The following STK3 variants were observed in gnomAD, a reference collection of about 807,000 sequenced individuals.
The protein encoded by STK3 is serine/threonine-protein kinase 3.
STK3 carries 41 observed loss-of-function variants against 58.0 expected under a neutral mutation model. The ratio of observed to expected loss-of-function variants is 0.71; its 90% CI spans 0.55 to 0.92. The LOEUF is 0.92. Among genes scored for constraint, STK3 ranks in the 40% least tolerant of loss-of-function variants. STK3 has a pLI of 0.00. For synonymous variants in STK3, 170 were observed against 191.0 expected, an observed-to-expected ratio of 0.89 and a Z score of 0.91; for missense variants, 479 against 602.7, an observed-to-expected ratio of 0.79 and a Z score of 2.15.
chr8:98,399,798 G>A (rs2131024218), downstream of STK3, among the ~76,000 whole-genome samples: 1 of 152,306 alleles, frequency 6.6e-6, no homozygotes, highest in South Asian at 2.1e-4. Flanking sequence ...AGTAGAGAAT[G>A]GGGTGTGGCT....
chr8:98,847,125 A>C (rs185571300), intron 3 of STK3, among the ~76,000 whole-genome samples: 66 of 152,238 alleles, frequency 4.3e-4, no homozygotes, highest in African/African-American at 1.4e-3. Context: ...GCTACTCAGG[A>C]GGCTGAGGTG....
In STK3 at chr8:98,928,987, C is replaced by T. The variant is rs566734986; in HGVS notation, c.-79+13391G>A. 1.2e-4 allele frequency among the ~76,000 whole-genome samples: 18 copies of T among 152,288 alleles called. No homozygotes were observed. In the East Asian group the frequency reaches 2.5e-3, roughly 21 times the overall value. On this transcript the variant is annotated intron_variant, in intron 1 of 1. Coordinates refer to the STK3 transcript ENST00000519420. ...AAAGGTCAAAGCTTGACAAACAGGC[C>T]GGGCATGGTGGTTCATGCCTTTAAT...
At chr8:98,441,819 C>A (rs1199223184) in intron 1 of STK3, among the ~76,000 whole-genome samples, 1 of 152,160 alleles carries the variant, frequency 6.6e-6, no homozygotes, top group Non-Finnish European at 1.5e-5. Flanking sequence ...TCTTTGTTCC[C>A]TTTTTGTTTC....
chr8:98,672,932 T>C (rs1822934637), intron 6 of STK3, among the ~76,000 whole-genome samples: 1 of 152,144 alleles, frequency 6.6e-6, no homozygotes, highest in Non-Finnish European at 1.5e-5. Context: ...TATTGTGAAA[T>C]ACTTCAAGGG....
intron 3 of STK3, chr8:98,413,590 G>C (rs1355939496): frequency 2.9e-6 from 2 of 685,298 alleles, no homozygotes; most frequent in Non-Finnish European, 5.6e-6. Flanking sequence ...AAAATGTTGA[G>C]AGTTGTTTCA....
At chr8:98,711,972 C>G (rs2131112399) in intron 4 of STK3, among the ~76,000 whole-genome samples, 1 of 152,238 alleles carries the variant, frequency 6.6e-6, no homozygotes, top group Non-Finnish European at 1.5e-5. Context: ...ACAGGGGGGC[C>G]AATAGTCAAG....
intron 8 of STK3, among the ~76,000 whole-genome samples, chr8:98,555,186 G>A (rs1811500326): frequency 6.6e-6 from 1 of 152,064 alleles, no homozygotes; most frequent in Admixed American, 6.6e-5. Context: ...ACATGCTTAT[G>A]CTAAAACAGC....
chr8:98,630,175 G>C (rs1819073487), intron 6 of STK3, among the ~76,000 whole-genome samples: 1 of 152,118 alleles, frequency 6.6e-6, no homozygotes, highest in Non-Finnish European at 1.5e-5. Flanking sequence ...CCTGTCTGAT[G>C]TGCCATGCCC....
intron 9 of STK3, among the ~76,000 whole-genome samples, chr8:98,528,446 C>T (rs1435379536): frequency 6.6e-6 from 1 of 152,152 alleles, no homozygotes; most frequent in African/African-American, 2.4e-5. Flanking sequence ...GAAGGCATTT[C>T]CCATATAATT....
intron 1 of STK3, among the ~76,000 whole-genome samples, chr8:98,807,023 G>A (rs544296689): frequency 2.6e-5 from 4 of 151,870 alleles, no homozygotes; most frequent in East Asian, 4.0e-4. Context: ...GCGTGGTGGC[G>A]GGCACCTGTA....
At chr8:98,391,444 G>A (rs1341610251), upstream of STK3, 1 of 152,190 alleles carries the variant, frequency 6.6e-6, no homozygotes, top group Non-Finnish European at 1.5e-5. Flanking sequence ...ACACCTTTAT[G>A]CGGTCACTTC....
chr8:98,493,473 C>T (rs1404075788), intron 10 of STK3, among the ~76,000 whole-genome samples: 3 of 152,162 alleles, frequency 2.0e-5, no homozygotes, highest in Non-Finnish European at 4.4e-5. Flanking sequence ...ATCTCCTTAA[C>T]ACCTTATCCA....
intron 7 of STK3, among the ~76,000 whole-genome samples, chr8:98,584,646 T>C (rs1305983462): frequency 2.0e-5 from 3 of 149,858 alleles, no homozygotes; most frequent in Non-Finnish European, 3.0e-5. Context: ...ATGGTATTTC[T>C]AGTTCTAGAT....
intron 4 of STK3, among the ~76,000 whole-genome samples, chr8:98,711,958 G>C (rs903969439): frequency 3.9e-5 from 6 of 152,212 alleles, no homozygotes; most frequent in African/African-American, 1.2e-4. Flanking sequence ...CTACAAGCCA[G>C]AAGACAGGGG....
In STK3 at chr8:98,592,964, A is replaced by G. The variant is rs369630190; in HGVS notation, c.822+3068T>C. On this transcript the variant is annotated intron_variant, in intron 7 of 10. Transcript: ENST00000419617. ...TTTTTCGTATAGACGGGGTTTCACT[A>G]TGTTGGCCAGGCTGGTCTTGAACTC... 9.9e-5 allele frequency among the ~76,000 whole-genome samples: 15 copies of G among 152,074 alleles called. No individual in the cohort carries two copies. The East Asian group carries it at 2.5e-3, about 25-fold the overall frequency.
intron 6 of STK3, among the ~76,000 whole-genome samples, chr8:98,670,175 C>G (rs535101720): frequency 6.6e-6 from 1 of 152,226 alleles, no homozygotes; most frequent in Admixed American, 6.5e-5. Context: ...TCGAGACCAG[C>G]CTGGGCAACA....
At chr8:98,547,847 T>C in intron 9 of STK3, 122 bp downstream of exon 9, 1 of 884,896 alleles carries the variant, frequency 1.1e-6, no homozygotes, top group South Asian at 3.5e-5. Flanking sequence ...TACTGTTACA[T>C]AAATCTAAGA....
intron 1 of STK3, among the ~76,000 whole-genome samples, chr8:98,893,286 G>A (rs1838267417): frequency 6.6e-6 from 1 of 151,700 alleles, no homozygotes; most frequent in Non-Finnish European, 1.5e-5. Context: ...CTACTCAGGA[G>A]GCTGAGGCAG....
At position 98,579,780 on chromosome 8, in the gene STK3, T is replaced by C; in HGVS notation, c.832A>G (p.Ile278Val). ...ATTGATACAGGTTTGGCATTCTTGA[T>C]AAAAGGATGCTAAAAAAGTAAAATT... ...TATQLLQHPFIKNAKPVSILR... is the reference protein window; with the variant it reads ...TATQLLQHPFVKNAKPVSILR... The change falls in exon 8 of 11, where the codon ATC becomes GTC. Residue 278 changes from isoleucine (I) to valine (V), a missense_variant. Coordinates refer to ENST00000419617, the MANE Select transcript of STK3 (RefSeq NM_006281.4). The C allele has an allele frequency of 6.4e-7, 1 of 1,569,888 alleles. No individual in the cohort carries two copies. The highest frequency in any genetic ancestry group is 8.6e-7 in the Non-Finnish European group (1 of 1,167,192).
Sources: allele counts gnomAD v4.1 joint callset (sites outside exome capture counted in the v4.1 genomes callset), GRCh38; gene constraint gnomAD v4.1.1; transcripts MANE v1.5; gene names NCBI Gene and HGNC (gene_info 2026-07-23, HGNC 2026-07-21).